IGF1R: variants seen among roughly 807,000 people sequenced by gnomAD.
IGF1R encodes the protein insulin like growth factor 1 receptor.
A neutral mutation model predicts 144.6 loss-of-function variants in IGF1R; 44 were observed. The observed-to-expected ratio is 0.30, with a 90% confidence interval of 0.24 to 0.39. The LOEUF (loss-of-function observed/expected upper bound fraction) is 0.39, where lower values mean the gene tolerates loss of function less well. Among genes scored for constraint, IGF1R ranks in the 10% least tolerant of loss-of-function variants. The pLI is 1.00. For synonymous variants in IGF1R, 795 were observed against 722.8 expected, an observed-to-expected ratio of 1.10 and a Z score of -1.60; for missense variants, 1,355 against 1,833.7, an observed-to-expected ratio of 0.74 and a Z score of 4.77.
At chr15:98,725,511 G>A (rs935841744) in intron 2 of IGF1R, among the ~76,000 whole-genome samples, 5 of 152,114 alleles carry the variant, frequency 3.3e-5, no homozygotes, top group African/African-American at 1.2e-4. Context: ...CTGGAATGAG[G>A]TAAACCTCCA....
intron 1 of IGF1R, among the ~76,000 whole-genome samples, chr15:98,653,449 C>T (rs116222218): frequency 0.074 from 11,186 of 152,180 alleles, 521 homozygotes; most frequent in South Asian, 0.13. Context: ...CAGAACAGTT[C>T]ATTTTAATGC....
At chr15:98,777,229 G>A (rs1221094952) in intron 2 of IGF1R, among the ~76,000 whole-genome samples, 3 of 152,200 alleles carry the variant, frequency 2.0e-5, no homozygotes, top group African/African-American at 4.8e-5. Context: ...TGCACTTGCC[G>A]CAGTGGAGAC....
At position 98,771,446 on chromosome 15, in the gene IGF1R, T is replaced by C. The variant is rs188148717; in HGVS notation, c.640+63339T>C. Reference sequence around the variant, plus strand: ...AATAAAGCAAACCGATGTGCAGATATGTGTGCTTACACATGTGGACGTATT... The same window carrying C: ...AATAAAGCAAACCGATGTGCAGATACGTGTGCTTACACATGTGGACGTATT... On this transcript the variant is annotated intron_variant, in intron 2 of 20. Transcript: ENST00000650285. Among the ~76,000 whole-genome samples, 156 of 152,330 alleles carry C rather than the reference T, an allele frequency of 1.0e-3. 1 individual carries two copies. The highest frequency in any genetic ancestry group is 2.0e-3 in the Admixed American group (31 of 15,302).
chr15:98,699,154 G>A (rs1328129088), intron 1 of IGF1R, among the ~76,000 whole-genome samples: 1 of 152,210 alleles, frequency 6.6e-6, no homozygotes, highest in Non-Finnish European at 1.5e-5. Context: ...CATGGGCCTT[G>A]CCCCAGCTTG....
At chr15:98,915,098 T>C (rs3784605) in intron 8 of IGF1R, among the ~76,000 whole-genome samples, 41,267 of 152,164 alleles carry the variant, frequency 0.27, 5,785 homozygotes, top group Non-Finnish European at 0.32. Context: ...TGAAGGTGTC[T>C]CCTGTGCTTT....
chr15:98,878,663 CAAAAAAAAA>C (rs138285597), intron 2 of IGF1R, among the ~76,000 whole-genome samples: 105 of 57,904 alleles, frequency 1.8e-3, no homozygotes, highest in Middle Eastern at 0.016. Flanking sequence ...GTGAAAGACT[CAAAAAAAAA>C]AAAAAAAAAA....
rs184315879 is a variant in IGF1R at position 98,837,736 on chromosome 15, T to C, written c.641-53589T>C. On this transcript the variant is annotated intron_variant, in intron 2 of 20. Coordinates refer to ENST00000650285, the MANE Select transcript of IGF1R (RefSeq NM_000875.5). Reference sequence around the variant, plus strand: ...GCTTTAATGGCAATTTTCTATCTTATTGTCATTTATTCATTGGAATTTTTA... The same window carrying C: ...GCTTTAATGGCAATTTTCTATCTTACTGTCATTTATTCATTGGAATTTTTA... Among the ~76,000 whole-genome samples the C allele has an allele frequency of 2.2e-3, 337 of 152,326 alleles. 2 individuals carry two copies. The highest frequency in any genetic ancestry group is 3.7e-3 in the Non-Finnish European group (251 of 68,024).
chr15:98,850,810 C>T (rs185385251), intron 2 of IGF1R, among the ~76,000 whole-genome samples: 1 of 152,010 alleles, frequency 6.6e-6, no homozygotes, highest in Non-Finnish European at 1.5e-5. Flanking sequence ...TTGGGGGCAG[C>T]AGAAGCAGGT....
rs747716970 is a variant in IGF1R at position 98,709,051 on chromosome 15, A to G, written c.640+944A>G. Among the ~76,000 whole-genome samples, 8 of 152,314 alleles carry G rather than the reference A, an allele frequency of 5.3e-5. No individual in the cohort carries two copies. The South Asian group carries it at 6.2e-4, about 12-fold the overall frequency. On this transcript the variant is annotated intron_variant, in intron 2 of 20. Transcript: ENST00000650285. ...CACCTTATTGCATTCAGCAATAGTT[A>G]TGTATATTGGCTAGGAAGCTTTTCC...
chr15:98,655,575 A>C (rs2052465920), intron 1 of IGF1R, among the ~76,000 whole-genome samples: 1 of 152,088 alleles, frequency 6.6e-6, no homozygotes, highest in South Asian at 2.1e-4. Flanking sequence ...ATTATTTGAT[A>C]CTGTAAAATG....
At chr15:98,912,207 T>G (rs1252713798) in intron 7 of IGF1R, among the ~76,000 whole-genome samples, 1 of 152,194 alleles carries the variant, frequency 6.6e-6, no homozygotes, top group Non-Finnish European at 1.5e-5. Flanking sequence ...ATGTGTGGCT[T>G]CCAAAGAGCA....
rs2052272029 is a variant in IGF1R, at chr15:98,649,102, T to G, written c.-480T>G. The stretch of plus-strand genomic sequence containing the variant: ...GTTTCTGCCCCTCGCCGGCCTCGCC[T>G]GTGACCCGGACTTCGGGGCGATCTT... On this transcript the variant is annotated 5_prime_UTR_variant, in exon 1 of 21. Coordinates refer to ENST00000650285, the MANE Select transcript of IGF1R (RefSeq NM_000875.5). 8 of 217,298 alleles carry G rather than the reference T, an allele frequency of 3.7e-5. No homozygotes were observed. The East Asian group carries it at 5.1e-4, about 14-fold the overall frequency. 13.5% of individuals were successfully genotyped at this position (217,298 alleles called of 1,614,324 possible).
intron 2 of IGF1R, among the ~76,000 whole-genome samples, chr15:98,839,623 C>T (rs1171026482): frequency 1.3e-5 from 2 of 152,236 alleles, no homozygotes; most frequent in Admixed American, 1.3e-4. Flanking sequence ...GATGCAGTGG[C>T]AAGAACAGTA....
intron 2 of IGF1R, among the ~76,000 whole-genome samples, chr15:98,822,223 G>C (rs1258467735): frequency 6.6e-6 from 1 of 152,148 alleles, no homozygotes; most frequent in Admixed American, 6.5e-5. Flanking sequence ...CCTTCCTACA[G>C]GTTTTCAAGT....
intron 1 of IGF1R, among the ~76,000 whole-genome samples, chr15:98,672,031 T>G (rs146071670): frequency 6.6e-6 from 1 of 152,320 alleles, no homozygotes; most frequent in East Asian, 1.9e-4. Context: ...ATTAATATAA[T>G]CCAAGCAATA....
intron 2 of IGF1R, among the ~76,000 whole-genome samples, chr15:98,839,308 C>T (rs558974865): frequency 1.2e-4 from 19 of 152,240 alleles, no homozygotes; most frequent in South Asian, 6.2e-4. Flanking sequence ...GGGTTTGAAC[C>T]GAAATCAGTG....
chr15:98,941,036 C>T (rs570662404), intron 18 of IGF1R, among the ~76,000 whole-genome samples: 6 of 152,346 alleles, frequency 3.9e-5, no homozygotes, highest in South Asian at 2.1e-4. Flanking sequence ...ACATTGTCCC[C>T]GTGGAAATGC....
rs535500137 is a variant in IGF1R at position 98,840,932 on chromosome 15, C to T, written c.641-50393C>T. 1.2e-4 allele frequency among the ~76,000 whole-genome samples: 19 copies of T among 152,292 alleles called. No homozygotes were observed. In the East Asian group the frequency reaches 3.3e-3, roughly 26 times the overall value. On this transcript the variant is annotated intron_variant, in intron 2 of 20. Coordinates refer to ENST00000650285, the MANE Select transcript of IGF1R (RefSeq NM_000875.5). ...CTGACCTCAGGTGATCCGCCCGCCTCGGCCTCCCAAAGTGCTGGGATTACA... is the reference window on the plus strand; with the variant it reads ...CTGACCTCAGGTGATCCGCCCGCCTTGGCCTCCCAAAGTGCTGGGATTACA...
chr15:98,699,801 G>A (rs1279327376), intron 1 of IGF1R, among the ~76,000 whole-genome samples: 1 of 152,208 alleles, frequency 6.6e-6, no homozygotes, highest in Non-Finnish European at 1.5e-5. Flanking sequence ...TGATATGCAT[G>A]ATGTGTGGGT....
Sources: gnomAD v4.1 joint callset for allele counts (sites outside exome capture counted in the v4.1 genomes callset) on GRCh38, gnomAD v4.1.1 for gene constraint, MANE v1.5 for transcripts, NCBI Gene and HGNC (gene_info 2026-07-23, HGNC 2026-07-21) for gene names.